The following SNTG2 variants were observed in gnomAD, a reference collection of about 807,000 sequenced individuals.
The protein encoded by SNTG2 is syntrophin gamma 2.
SNTG2 carries 74 observed loss-of-function variants against 70.9 expected under a neutral mutation model. The observed-to-expected ratio is 1.04, with a 90% CI of 0.86 to 1.27. The LOEUF (loss-of-function observed/expected upper bound fraction) is 1.27. Ranked by LOEUF, SNTG2 falls within the 50% of genes most tolerant of loss-of-function variation. The pLI is 0.00. For synonymous variants in SNTG2, 278 were observed against 273.8 expected, an observed-to-expected ratio of 1.02 and a Z score of -0.15; for missense variants, 717 against 690.7, an observed-to-expected ratio of 1.04 and a Z score of -0.43.
intron 9 of SNTG2, among the ~76,000 whole-genome samples, chr2:1,231,752 T>C (rs555237683): frequency 6.6e-6 from 1 of 152,180 alleles, no homozygotes; most frequent in Non-Finnish European, 1.5e-5. Flanking sequence ...GAGGGGAGTG[T>C]AGACACCACC....
intron 4 of SNTG2, among the ~76,000 whole-genome samples, chr2:1,136,662 A>G (rs1267858735): frequency 1.3e-5 from 2 of 152,194 alleles, no homozygotes; most frequent in Admixed American, 6.5e-5. Flanking sequence ...GTTTTCCACT[A>G]TTTAAACAAA....
chr2:1,320,534 C>CAAAAAAAAAAAAA (rs35391780), intron 16 of SNTG2, among the ~76,000 whole-genome samples: 3 of 89,444 alleles, frequency 3.4e-5, no homozygotes, highest in African/African-American at 1.2e-4. Context: ...GACTCCTTCT[C>CAAAAAAAAAAAAA]AAAAAAAAAA....
chr2:1,285,390 A>G (rs1182036593), intron 14 of SNTG2, among the ~76,000 whole-genome samples: 4 of 152,160 alleles, frequency 2.6e-5, no homozygotes, highest in African/African-American at 4.8e-5. Flanking sequence ...ACTTGAACCC[A>G]TATACATCTC....
intron 6 of SNTG2, among the ~76,000 whole-genome samples, chr2:1,149,250 G>A (rs1669307993): frequency 6.7e-6 from 1 of 150,326 alleles, no homozygotes; most frequent in African/African-American, 2.4e-5. Flanking sequence ...GAGGCTTACA[G>A]GTGGGGAGGG....
At chr2:1,312,728 C>T (rs1044691593) in intron 15 of SNTG2, among the ~76,000 whole-genome samples, 9 of 152,192 alleles carry the variant, frequency 5.9e-5, no homozygotes, top group East Asian at 3.8e-4. Flanking sequence ...GTATTTAGAG[C>T]GATTGGTGCA....
chr2:1,268,093 T>G (rs1678843654), intron 14 of SNTG2, among the ~76,000 whole-genome samples: 1 of 152,218 alleles, frequency 6.6e-6, no homozygotes, highest in African/African-American at 2.4e-5. Flanking sequence ...CTCACAAATT[T>G]GAATGTATAC....
At chr2:1,011,040 T>A (rs1659716183) in intron 1 of SNTG2, among the ~76,000 whole-genome samples, 1 of 152,266 alleles carries the variant, frequency 6.6e-6, no homozygotes, top group African/African-American at 2.4e-5. Flanking sequence ...AAATGTTCCA[T>A]CTCAGAGGCC....
intron 14 of SNTG2, among the ~76,000 whole-genome samples, chr2:1,304,476 C>G (rs1258703504): frequency 6.6e-6 from 1 of 152,132 alleles, no homozygotes; most frequent in African/African-American, 2.4e-5. Flanking sequence ...CCTGTAATCT[C>G]AGCACTTTGG....
chr2:1,292,926 ATTC>A (rs1031510179), intron 14 of SNTG2, among the ~76,000 whole-genome samples: 61 of 152,272 alleles, frequency 4.0e-4, no homozygotes, highest in African/African-American at 1.4e-3. Context: ...ATTGGTGTTA[ATTC>A]TTCTTTAAAT....
intron 16 of SNTG2, among the ~76,000 whole-genome samples, chr2:1,330,145 A>G (rs73179450): frequency 0.018 from 2,800 of 152,332 alleles, 69 homozygotes; most frequent in African/African-American, 0.061. Flanking sequence ...TGGCATTTTC[A>G]CCTTCTTCAG....
intron 13 of SNTG2, among the ~76,000 whole-genome samples, chr2:1,263,218 TAATC>T (rs1359764231): frequency 6.6e-6 from 1 of 152,164 alleles, no homozygotes; most frequent in Admixed American, 6.5e-5. Flanking sequence ...ATTTGAAGAA[TAATC>T]AAAAGACCAT....
At chr2:951,164 G>T in intron 1 of SNTG2, 96 bp downstream of exon 1, 2 of 541,406 alleles carry the variant, frequency 3.7e-6, no homozygotes, top group Non-Finnish European at 5.4e-6. Context: ...ACGCCCCCTC[G>T]CTCCCCGCGA....
At chr2:1,005,956 A>G (rs1033980623) in intron 1 of SNTG2, among the ~76,000 whole-genome samples, 1 of 149,876 alleles carries the variant, frequency 6.7e-6, no homozygotes, top group East Asian at 2.0e-4. Context: ...ACTGAATTAT[A>G]TGGAGGAAGC....
chr2:1,122,962 GAAAAA>G (rs1558427342), intron 4 of SNTG2, among the ~76,000 whole-genome samples: 2 of 151,712 alleles, frequency 1.3e-5, no homozygotes, highest in South Asian at 4.1e-4. Flanking sequence ...GCAAGCATCA[GAAAAA>G]AATAAAATAT....
At chr2:1,225,705 A>C (rs1675726306) in intron 9 of SNTG2, among the ~76,000 whole-genome samples, 1 of 152,216 alleles carries the variant, frequency 6.6e-6, no homozygotes, top group South Asian at 2.1e-4. Context: ...TTTGGGGTGG[A>C]ATTTAAGCAC....
intron 2 of SNTG2, among the ~76,000 whole-genome samples, chr2:1,096,361 T>C (rs1244448056): frequency 6.6e-6 from 1 of 152,194 alleles, no homozygotes; most frequent in Non-Finnish European, 1.5e-5. Context: ...TAAGGTTTAT[T>C]CTCTTAGCAA....
chr2:1,203,669 A>AT lies in SNTG2; in HGVS notation c.592-5434_592-5433insT, dbSNP rs1553355220. On this transcript the variant is annotated intron_variant, in intron 8 of 16. Coordinates refer to ENST00000308624, the MANE Select transcript of SNTG2 (RefSeq NM_018968.4). ...ACCTTGTCTCAAAAACAAACAAAAA[A>AT]AAAAATATATATATATATATATGTG... 4.8e-3 allele frequency among the ~76,000 whole-genome samples: 448 copies of AT among 94,206 alleles called. 1 individual carries two copies. The highest frequency in any genetic ancestry group is 0.015 in the African/African-American group (402 of 27,654). The allele number at this position is 94,206 out of a possible 152,430, so 61.8% of individuals were successfully genotyped here.
At chr2:968,989 T>C (rs796605083) in intron 1 of SNTG2, among the ~76,000 whole-genome samples, 7 of 152,322 alleles carry the variant, frequency 4.6e-5, no homozygotes, top group African/African-American at 1.7e-4. Context: ...AGAGTTTTTA[T>C]AGTTTTAGGT....
intron 8 of SNTG2, among the ~76,000 whole-genome samples, chr2:1,194,996 C>T (rs776743371): frequency 2.5e-4 from 38 of 152,192 alleles, no homozygotes; most frequent in Non-Finnish European, 4.0e-4. Context: ...TCTGTTCTTG[C>T]GTTAATTTGT....
Sources: gnomAD v4.1 joint callset for allele counts (sites outside exome capture counted in the v4.1 genomes callset) on GRCh38, gnomAD v4.1.1 for gene constraint, MANE v1.5 for transcripts, NCBI Gene and HGNC (gene_info 2026-07-23, HGNC 2026-07-21) for gene names.